MCRIP1: variants seen among roughly 807,000 people sequenced by gnomAD.
MCRIP1 encodes mapk-regulated corepressor-interacting protein 1.
MCRIP1 carries 10 observed loss-of-function variants against 14.4 expected under a neutral mutation model. The ratio of observed to expected loss-of-function variants is 0.70; its 90% CI spans 0.43 to 1.18. MCRIP1 has a LOEUF of 1.18. Among genes scored for constraint, MCRIP1 ranks in the 50% most tolerant of loss-of-function variants. The pLI is 0.00. For missense variants in MCRIP1, 119 were observed against 135.4 expected (o/e 0.88, Z 0.60); for synonymous variants, 53 against 55.7 (o/e 0.95, Z 0.21).
intron 1 of MCRIP1, among the ~76,000 whole-genome samples, chr17:81,828,016 G>A (rs929364326): frequency 2.0e-5 from 3 of 151,870 alleles, no homozygotes; most frequent in Non-Finnish European, 2.9e-5. Context: ...TCCTGACCTC[G>A]TGATCCATCT....
rs1218078394 is a variant in MCRIP1 at position 81,826,755 on chromosome 17, G to T, written c.-48-2201C>A. 11 of 201,550 alleles carry T rather than the reference G, an allele frequency of 5.5e-5. No homozygotes were observed. The East Asian group carries it at 7.0e-4, about 13-fold the overall frequency. 12.5% of individuals were successfully genotyped at this position (201,550 alleles called of 1,614,324 possible). ...AATCGCTTGAACCCGGGAGGTGGAG[G>T]TGCAGTGAGCCAAGATCGCGCCAAC... On this transcript the variant is annotated intron_variant, in intron 1 of 4. Transcript: ENST00000455127.
At chr17:81,824,248 A>G in intron 3 of MCRIP1, 39 bp downstream of exon 3, 1 of 1,480,506 alleles carries the variant, frequency 6.8e-7, no homozygotes, top group Non-Finnish European at 9.1e-7. Context: ...TGACTCCGTC[A>G]AGGACAGGGC....
At chr17:81,826,377 C>T in intron 1 of MCRIP1, 2 of 1,535,568 alleles carry the variant, frequency 1.3e-6, no homozygotes, top group Non-Finnish European at 1.7e-6. Flanking sequence ...CATATGAACA[C>T]ACCTGGTGTG....
intron 1 of MCRIP1, among the ~76,000 whole-genome samples, chr17:81,829,419 T>TC (rs2038475502): frequency 6.6e-6 from 1 of 152,186 alleles, no homozygotes; most frequent in African/African-American, 2.4e-5. Context: ...CCGTTTTCCT[T>TC]CCCTCTTTCT....
At chr17:81,826,054 C>T in intron 1 of MCRIP1, 2 of 1,448,908 alleles carry the variant, frequency 1.4e-6, no homozygotes, top group Non-Finnish European at 1.8e-6. Context: ...TCTCCCGTGG[C>T]TCTTCTCCCC....
Position 81,824,348 on chromosome 17 carries a change from T to C in MCRIP1, c.66A>G (p.Pro22=). The C allele has an allele frequency of 6.6e-7, 1 of 1,526,670 alleles. No homozygotes were observed. The highest frequency in any genetic ancestry group is 8.8e-7 in the Non-Finnish European group (1 of 1,142,736). The allele number at this position is 1,526,670 out of a possible 1,614,324, so 94.6% of individuals were successfully genotyped here. The change falls in exon 3 of 5, where the codon CCA becomes CCG. Residue 22 remains proline (P), a synonymous_variant. Transcript: ENST00000455127. ...GGGTGAAGATCTCGCTGCTGCTGGGTGGGGAGCGGGGGCTGCTGGTCCTCT... is the reference window on the plus strand; with the variant it reads ...GGGTGAAGATCTCGCTGCTGCTGGGCGGGGAGCGGGGGCTGCTGGTCCTCT... The part of the protein sequence containing the change: ...NGKRTSSPRS[P]PSSSEIFTPA...
intron 1 of MCRIP1, among the ~76,000 whole-genome samples, chr17:81,832,117 T>C (rs542502949): frequency 6.6e-5 from 10 of 152,172 alleles, no homozygotes; most frequent in Non-Finnish European, 1.5e-4. Flanking sequence ...ACGCCATCGC[T>C]AGTCACCATG....
intron 1 of MCRIP1, among the ~76,000 whole-genome samples, chr17:81,827,390 G>A (rs1041995342): frequency 6.6e-6 from 1 of 151,598 alleles, no homozygotes; most frequent in Non-Finnish European, 1.5e-5. Context: ...TCCCGCCTCA[G>A]CCTCCCAAGT....
rs368405059 is a variant in MCRIP1, at chr17:81,823,797, G to A, written c.128-284C>T. 56 of 582,154 alleles carry A rather than the reference G, an allele frequency of 9.6e-5. 1 individual carries two copies. Among genetic ancestry groups the A allele is most frequent in the South Asian group, 9.4e-4 (45 of 47,944 alleles). 36.1% of individuals were successfully genotyped at this position (582,154 alleles called of 1,614,324 possible). A position where few individuals can be genotyped will look rare whatever the true frequency, so the allele number is the denominator to read the frequency against. On this transcript the variant is annotated intron_variant, in intron 3 of 4. Transcript: ENST00000455127. This position sits in a 1 kb window ranked among gnomAD's most constrained non-coding sequence, Gnocchi z 6.0. ...GGCTTCCCTGCGCCTCGGAGGCAGC[G>A]CATCCTCCTCAGCTAGGCCTCTATC...
rs1343242223 is a variant in MCRIP1 at position 81,822,637 on chromosome 17, C to A, written c.*610G>T. 2 of 154,258 alleles carry A rather than the reference C, an allele frequency of 1.3e-5. No individual in the cohort carries two copies. Among genetic ancestry groups the A allele is most frequent in the Non-Finnish European group, 2.9e-5 (2 of 69,458 alleles). The allele number at this position is 154,258 out of a possible 1,614,324, so 9.6% of individuals were successfully genotyped here. On this transcript the variant is annotated 3_prime_UTR_variant, in exon 5 of 5. Coordinates refer to ENST00000455127, the MANE Select transcript of MCRIP1 (RefSeq NM_207368.5). Reference sequence around the variant, plus strand: ...GGAGGCCAGGCCTGGTTGCTGGGGACCCCCTTGGGGGGCCCGGCAGTATCC... The same window carrying A: ...GGAGGCCAGGCCTGGTTGCTGGGGAACCCCTTGGGGGGCCCGGCAGTATCC...
intron 1 of MCRIP1, among the ~76,000 whole-genome samples, chr17:81,830,843 C>T (rs1423042320): frequency 1.3e-5 from 2 of 148,994 alleles, no homozygotes; most frequent in Non-Finnish European, 3.0e-5. Flanking sequence ...GGCAACATGG[C>T]AAAACCCCAT....
At chr17:81,827,751 A>G (rs1056891157) in intron 1 of MCRIP1, among the ~76,000 whole-genome samples, 11 of 148,382 alleles carry the variant, frequency 7.4e-5, no homozygotes, top group African/African-American at 2.2e-4. Flanking sequence ...CCCCATAAAT[A>G]TATACACCTA....
At chr17:81,830,728 A>G (rs149637815) in intron 1 of MCRIP1, among the ~76,000 whole-genome samples, 1,728 of 149,902 alleles carry the variant, frequency 0.012, 32 homozygotes, top group African/African-American at 0.041. Context: ...CAACATAGAA[A>G]GAGCCCCATC....
At chr17:81,832,643 A>C (rs1220002786) in intron 1 of MCRIP1, among the ~76,000 whole-genome samples, 1 of 152,204 alleles carries the variant, frequency 6.6e-6, no homozygotes, top group East Asian at 1.9e-4. Flanking sequence ...CAGGAGGGAG[A>C]GAAGCACAGC....
chr17:81,825,293 C>A (rs1359954430), intron 1 of MCRIP1: 1 of 1,106,562 alleles, frequency 9.0e-7, no homozygotes, highest in Non-Finnish European at 1.1e-6. Flanking sequence ...AAAATGGAGT[C>A]TATTTTGAGG....
At chr17:81,831,097 A>T (rs1002746703) in intron 1 of MCRIP1, among the ~76,000 whole-genome samples, 1 of 150,220 alleles carries the variant, frequency 6.7e-6, no homozygotes, top group Non-Finnish European at 1.5e-5. Context: ...GCTTGAACCC[A>T]GGAAGCAAAG....
intron 1 of MCRIP1, among the ~76,000 whole-genome samples, chr17:81,827,987 A>T (rs2038444643): frequency 6.6e-6 from 1 of 151,592 alleles, no homozygotes; most frequent in Admixed American, 6.6e-5. Context: ...TCACTGTGTT[A>T]GTCAGGATGG....
chr17:81,828,262 C>A (rs1409956815), intron 1 of MCRIP1, among the ~76,000 whole-genome samples: 1 of 138,838 alleles, frequency 7.2e-6, no homozygotes, highest in Non-Finnish European at 1.6e-5. Flanking sequence ...CCTCACACTG[C>A]CCCCCCACCC....
chr17:81,826,703 C>A (rs2038406646), intron 1 of MCRIP1: 1 of 324,060 alleles, frequency 3.1e-6, no homozygotes, highest in East Asian at 6.7e-5. Context: ...CCCGTAATCC[C>A]AGCTACTCGG....
Sources: allele counts gnomAD v4.1 joint callset (sites outside exome capture counted in the v4.1 genomes callset), GRCh38; gene constraint gnomAD v4.1.1; non-coding constraint Gnocchi (gnomAD v3.1); transcripts MANE v1.5; gene names NCBI Gene and HGNC (gene_info 2026-07-23, HGNC 2026-07-21).